The following ATP6AP2 variants were observed in gnomAD, a reference collection of about 807,000 sequenced individuals.
The protein encoded by ATP6AP2 is ATPase H+ transporting accessory protein 2.
In ATP6AP2, 1 loss-of-function variant was observed where a neutral mutation model predicts 23.4. The ratio of observed to expected loss-of-function variants is 0.04; its 90% CI spans 0.02 to 0.20. The LOEUF (loss-of-function observed/expected upper bound fraction) is 0.20, where lower values mean the gene tolerates loss of function less well. Among genes scored for constraint, ATP6AP2 ranks in the 10% least tolerant of loss-of-function variants. The pLI is 1.00. For synonymous variants in ATP6AP2, 90 were observed against 97.1 expected (o/e 0.93, Z 0.43); for missense variants, 174 against 271.3 (o/e 0.64, Z 2.52).
chrX:40,600,833 C>T lies in ATP6AP2; in HGVS notation c.810C>T (p.Asp270=). ...VVELVTVKSF[D]TSLIRKTRTI... is the part of the protein sequence containing the mutation. ...AGTTAGTCACTGTCAAGTCATTTGA[C>T]ACCTCCCTCATTAGGAAGACAAGGA... Residue 270 remains aspartate (D), a synonymous_variant, in exon 8 of 9, where the codon GAC becomes GAT. Transcript: ENST00000636580. 1 of 1,207,156 alleles carries T rather than the reference C, an allele frequency of 8.3e-7. No homozygotes were observed.
intron 8 of ATP6AP2, among the ~76,000 whole-genome samples, chrX:40,601,193 G>C (rs1296641188): frequency 8.9e-6 from 1 of 111,859 alleles, no homozygotes; most frequent in East Asian, 2.8e-4. Flanking sequence ...GCCAGGTGCA[G>C]TGGCGTGCAT....
chrX:40,597,741 C>T (rs1371198249), intron 5 of ATP6AP2, 77 bp downstream of exon 5: 10 of 1,064,765 alleles, frequency 9.4e-6, no homozygotes, highest in African/African-American at 1.8e-5. Context: ...GGGTCTCACT[C>T]TGTTGTCCAG....
At chrX:40,591,187 T>C in intron 2 of ATP6AP2, 47 bp from the exon 3 acceptor site, 1 of 1,207,499 alleles carries the variant, frequency 8.3e-7, no homozygotes, top group Non-Finnish European at 1.1e-6. Context: ...GGGAGGTGGG[T>C]TCCTGAGTTG....
rs5963816 is a variant in ATP6AP2, at chrX:40,606,021, A to T, written c.*266A>T. On this transcript the variant is annotated 3_prime_UTR_variant, in exon 9 of 9. Coordinates refer to ENST00000636580, the MANE Select transcript of ATP6AP2 (RefSeq NM_005765.3). ...ACATTGATTTCATTCTGTTTAATGAATTTGGAAATATGCACTGAAAGAAAT... is the reference window on the plus strand; with the variant it reads ...ACATTGATTTCATTCTGTTTAATGATTTTGGAAATATGCACTGAAAGAAAT... The T allele has an allele frequency of 0.08, 24,896 of 311,272 alleles. 2,994 individuals carry two copies. The highest frequency in any genetic ancestry group is 0.4 in the African/African-American group (14,997 of 37,264). 25.7% of individuals were successfully genotyped at this position (311,272 alleles called of 1,213,427 possible).
At position 40,601,353 on chromosome X, in the gene ATP6AP2, A is replaced by G. The variant is rs764053984; in HGVS notation, c.858+472A>G. 1.1e-4 allele frequency among the ~76,000 whole-genome samples: 12 copies of G among 111,072 alleles called. No individual in the cohort carries two copies. In the South Asian group the frequency reaches 4.2e-3, roughly 39 times the overall value. On this transcript the variant is annotated intron_variant, in intron 8 of 8. Transcript: ENST00000636580. Reference sequence around the variant, plus strand: ...GGGAGTGGTGTGGTGCCCACATCCTATGGGCTCTGCTTTTCTAGCAGGCAC... The same window carrying G: ...GGGAGTGGTGTGGTGCCCACATCCTGTGGGCTCTGCTTTTCTAGCAGGCAC...
At position 40,599,728 on chromosome X, in the gene ATP6AP2, A is replaced by G. The variant is rs748893065; in HGVS notation, c.725A>G (p.Asp242Gly). 8.3e-7 allele frequency: 1 copy of G among 1,211,040 alleles called. No homozygotes were observed. The highest frequency in any genetic ancestry group is 1.1e-6 in the Non-Finnish European group (1 of 895,312). Residue 242 changes from aspartate to glycine, a missense_variant, in exon 7 of 9, where the codon GAC (aspartate) becomes GGC (glycine). Asp to Gly is a moderately conservative substitution (Grantham distance 94). Coordinates refer to ENST00000636580, the MANE Select transcript of ATP6AP2 (RefSeq NM_005765.3). ...AGAGATGCTTCTAAGATCCTTGTTG[A>G]CGCTCTGCAAAAGGTAAATATCAAT... Reference protein sequence around the residue: ...QFRDASKILVDALQKFADDMY... With the variant: ...QFRDASKILVGALQKFADDMY...
At position 40,605,674 on chromosome X, in the gene ATP6AP2, C is replaced by T; in HGVS notation, c.972C>T (p.Thr324=). 1 of 1,208,391 alleles carries T rather than the reference C, an allele frequency of 8.3e-7. No individual in the cohort carries two copies. ...MIALALAVII[T]SYNIWNMDPG... The stretch of plus-strand genomic sequence containing the variant: ...CCTTGGCCTTGGCTGTGATTATCAC[C>T]TCTTACAATATTTGGAACATGGATC... The change falls in exon 9 of 9, where the codon ACC becomes ACT. Residue 324 remains threonine, a synonymous_variant. Coordinates refer to ENST00000636580, the MANE Select transcript of ATP6AP2 (RefSeq NM_005765.3).
chrX:40,599,204 G>T (rs1160792877), intron 6 of ATP6AP2: 5 of 219,435 alleles, frequency 2.3e-5, no homozygotes, highest in Non-Finnish European at 4.1e-5. Context: ...ACCTTCTGAA[G>T]TTGTTTTCCA....
chrX:40,597,792 C>A, intron 5 of ATP6AP2, 128 bp downstream of exon 5: 1 of 713,496 alleles, frequency 1.4e-6, no homozygotes, highest in Non-Finnish European at 2.1e-6. Context: ...CCTGTCTTGG[C>A]CTCCCAAAGT....
At chrX:40,598,121 G>C in intron 5 of ATP6AP2, 1 of 172,036 alleles carries the variant, frequency 5.8e-6, no homozygotes, top group South Asian at 1.1e-4. Context: ...CACTGCCTCT[G>C]CTGATTTGTT....
At position 40,582,600 on chromosome X, in the gene ATP6AP2, C is replaced by CCCAAA. The variant is rs994841441; in HGVS notation, c.37+1500_37+1504dup. On this transcript the variant is annotated intron_variant, in intron 1 of 8. Coordinates refer to ENST00000636580, the MANE Select transcript of ATP6AP2 (RefSeq NM_005765.3). ...AATGATAGTTACGTTGTATCCATGCCCCAAACGTTTTCGAGTTCTTTGTTT... is the reference window on the plus strand; with the variant it reads ...AATGATAGTTACGTTGTATCCATGCCCCAAACCAAACGTTTTCGAGTTCTTTGTTT... Among the ~76,000 whole-genome samples the CCCAAA allele has an allele frequency of 1.8e-4, 20 of 111,693 alleles. 1 individual carries two copies. The highest frequency in any genetic ancestry group is 1.4e-3 in the Admixed American group (15 of 10,509).
chrX:40,582,113 T>G (rs1244973155), intron 1 of ATP6AP2, among the ~76,000 whole-genome samples: 2 of 111,959 alleles, frequency 1.8e-5, no homozygotes, highest in African/African-American at 6.5e-5. Flanking sequence ...ATGGGTGCTC[T>G]GATCTCAGTG....
Position 40,597,595 on chromosome X carries a change from T to C in ATP6AP2, c.465T>C (p.Arg155=), listed in dbSNP as rs1391960726. 1.7e-6 allele frequency: 2 copies of C among 1,209,883 alleles called. No homozygotes were observed. Among genetic ancestry groups the C allele is most frequent in the Admixed American group, 2.2e-5 (1 of 46,051 alleles). The change falls in exon 5 of 9, where the codon CGT becomes CGC. Residue 155 remains arginine (R), a synonymous_variant. Coordinates refer to ENST00000636580, the MANE Select transcript of ATP6AP2 (RefSeq NM_005765.3). The part of the protein sequence containing the change: ...EDLSVTLRQL[R]NRLFQENSVL... ...TTTCAGTCACCTTGCGCCAGCTCCG[T>C]AATCGCCTGTTTCAAGAAAACTCTG...
chrX:40,597,445 A>G (rs1439426242), intron 4 of ATP6AP2, 82 bp from the exon 5 acceptor site: 1 of 1,087,688 alleles, frequency 9.2e-7, no homozygotes, highest in Non-Finnish European at 1.3e-6. Context: ...AAACTAATTT[A>G]TGAACAATGT....
chrX:40,589,192 A>C (rs1357017001), intron 2 of ATP6AP2, 76 bp downstream of exon 2: 2 of 1,104,054 alleles, frequency 1.8e-6, no homozygotes, highest in African/African-American at 3.6e-5. Context: ...AGCCCAAAAA[A>C]GCATCAAACG....
chrX:40,605,463 A>C, intron 8 of ATP6AP2, 98 bp from the exon 9 acceptor site: 1 of 805,386 alleles, frequency 1.2e-6, no homozygotes, highest in South Asian at 2.2e-5. Context: ...CTTATGAAGA[A>C]ATGTTTGTTA....
At chrX:40,599,194 A>G (rs1167198001) in intron 6 of ATP6AP2, 4 of 217,642 alleles carry the variant, frequency 1.8e-5, no homozygotes, top group African/African-American at 1.2e-4. Context: ...TCTGTTTGCT[A>G]CCTTCTGAAG....
intron 2 of ATP6AP2, 122 bp from the exon 3 acceptor site, chrX:40,591,112 C>A: frequency 2.3e-6 from 2 of 877,020 alleles, no homozygotes; most frequent in Non-Finnish European, 3.3e-6. Flanking sequence ...TGTTTACTTT[C>A]CCTGTGAATT....
chrX:40,599,856 G>T, intron 7 of ATP6AP2, 115 bp downstream of exon 7: 1 of 937,735 alleles, frequency 1.1e-6, no homozygotes, highest in African/African-American at 1.9e-5. Flanking sequence ...GCCTTCTTTG[G>T]GGCTCCTCTA....
Sources: allele counts gnomAD v4.1 joint callset (sites outside exome capture counted in the v4.1 genomes callset), GRCh38; gene constraint gnomAD v4.1.1; transcripts MANE v1.5; gene names NCBI Gene and HGNC (gene_info 2026-07-23, HGNC 2026-07-21).